Variants in KDM6A observed in about 807,000 individuals in gnomAD.
The protein encoded by KDM6A is lysine demethylase 6A.
Under a neutral mutation model 117.6 loss-of-function variants are expected in KDM6A, and 11 were observed. The observed-to-expected ratio is 0.09, with a 90% CI of 0.06 to 0.15. The LOEUF (loss-of-function observed/expected upper bound fraction) is 0.15, where lower values mean the gene tolerates loss of function less well. Ranked by LOEUF, KDM6A falls within the 10% of genes least tolerant of loss-of-function variation. The pLI, the probability that KDM6A is intolerant of heterozygous loss-of-function variation, is 1.00. For missense variants in KDM6A, 799 were observed against 1,077.3 expected (o/e 0.74, Z 3.62); for synonymous variants, 384 against 396.1 (o/e 0.97, Z 0.36).
chrX:44,964,264 C>T (rs986792267), intron 3 of KDM6A, among the ~76,000 whole-genome samples: 2 of 107,306 alleles, frequency 1.9e-5, no homozygotes, highest in African/African-American at 3.4e-5. Flanking sequence ...ACCTGGCTAA[C>T]CTGGTGAAAC....
At chrX:45,085,728 C>T in intron 24 of KDM6A, 137 bp from the exon 25 acceptor site, 1 of 469,517 alleles carries the variant, frequency 2.1e-6, no homozygotes, top group Non-Finnish European at 3.8e-6. Flanking sequence ...CTCTGTTGAG[C>T]ATTTGTAAGG....
intron 2 of KDM6A, among the ~76,000 whole-genome samples, chrX:44,949,181 A>G (rs1318093362): frequency 9.0e-6 from 1 of 111,472 alleles, no homozygotes; most frequent in Non-Finnish European, 1.9e-5. Flanking sequence ...ACTTGAGTTC[A>G]GGAGTTTGAG....
At position 44,984,255 on chromosome X, in the gene KDM6A, GTTGT is replaced by G. The variant is rs1370362056; in HGVS notation, c.384+9547_384+9550del. Among the ~76,000 whole-genome samples, 14 of 111,226 alleles carry G rather than the reference GTTGT, an allele frequency of 1.3e-4. No homozygotes were observed. The South Asian group carries it at 1.5e-3, about 12-fold the overall frequency. On this transcript the variant is annotated intron_variant, in intron 4 of 29. Transcript: ENST00000611820. ...TATCCTTCACCCACTTGTTGATGGGGTTGTTTGTTTTTCTCTTGTAAATTTGTTT... is the reference window on the plus strand; with the variant it reads ...TATCCTTCACCCACTTGTTGATGGGGTTGTTTTTCTCTTGTAAATTTGTTT...
chrX:44,908,942 CTTG>C (rs2034903804), intron 2 of KDM6A, among the ~76,000 whole-genome samples: 1 of 112,155 alleles, frequency 8.9e-6, no homozygotes, highest in Admixed American at 9.4e-5. Flanking sequence ...TTTAAGGAAA[CTTG>C]TTGAAGTGTA....
intron 8 of KDM6A, among the ~76,000 whole-genome samples, chrX:45,046,504 A>C (rs934927244): frequency 5.4e-5 from 6 of 111,888 alleles, no homozygotes; most frequent in Non-Finnish European, 1.1e-4. Context: ...CAGAATTAAT[A>C]AGCTTCAACA....
intron 5 of KDM6A, among the ~76,000 whole-genome samples, chrX:45,012,550 G>T (rs1222572834): frequency 9.0e-6 from 1 of 110,866 alleles, no homozygotes; most frequent in Non-Finnish European, 1.9e-5. Flanking sequence ...TCCCTTCTGT[G>T]CTCCAGAATT....
intron 4 of KDM6A, among the ~76,000 whole-genome samples, chrX:44,978,515 G>A (rs749759134): frequency 1.9e-4 from 21 of 112,070 alleles, no homozygotes; most frequent in African/African-American, 6.8e-4. Flanking sequence ...CCTGGCTGTC[G>A]TTGGTGGCTT....
In KDM6A at chrX:45,069,731, G is replaced by A. The variant is rs2148038359; in HGVS notation, c.2232G>A (p.Gln744=). 8.3e-7 allele frequency: 1 copy of A among 1,209,743 alleles called. No homozygotes were observed. Among genetic ancestry groups the A allele is most frequent in the Non-Finnish European group, 1.1e-6 (1 of 894,661 alleles). The change falls in exon 18 of 30, where the codon CAG becomes CAA. Residue 744 remains glutamine (Q), a synonymous_variant. Coordinates refer to ENST00000611820, the MANE Select transcript of KDM6A (RefSeq NM_001291415.2). ...CCCTGCCTAGCAATTCAGTAACACA[G>A]GGGGCTGCTCTCAATCACCTCTCCT... ...HPTLPSNSVT[Q]GAALNHLSSH...
chrX:45,112,745 T>C lies in KDM6A; in HGVS notation c.*1334T>C, dbSNP rs1460793121. On this transcript the variant is annotated 3_prime_UTR_variant, in exon 30 of 30. Coordinates refer to ENST00000611820, the MANE Select transcript of KDM6A (RefSeq NM_001291415.2). ...CAGGATGAAGGGCTCTATTTTAGAA[T>C]GCAAATAAATTAAGAGACTTATTTT... 1 of 119,229 alleles carries C rather than the reference T, an allele frequency of 8.4e-6. No individual in the cohort carries two copies. Among genetic ancestry groups the C allele is most frequent in the Non-Finnish European group, 1.7e-5 (1 of 57,563 alleles). The allele number at this position is 119,229 out of a possible 1,213,427, so 9.8% of individuals were successfully genotyped here.
chrX:45,087,439 T>G (rs1449756157), intron 25 of KDM6A, among the ~76,000 whole-genome samples: 15 of 112,887 alleles, frequency 1.3e-4, no homozygotes, highest in African/African-American at 4.8e-4. Flanking sequence ...CCTTATGTTG[T>G]CTTCTCTATT....
intron 29 of KDM6A, among the ~76,000 whole-genome samples, chrX:45,110,797 T>C (rs1282837607): frequency 1.8e-5 from 2 of 111,864 alleles, no homozygotes; most frequent in Admixed American, 9.5e-5. Flanking sequence ...CAGCAGATGC[T>C]TGGGGGAAGC....
chrX:44,978,684 A>G (rs1258473150), intron 4 of KDM6A, among the ~76,000 whole-genome samples: 2 of 112,264 alleles, frequency 1.8e-5, no homozygotes, highest in Non-Finnish European at 3.8e-5. Flanking sequence ...AAATAGTTGT[A>G]TAACCATTAC....
intron 3 of KDM6A, among the ~76,000 whole-genome samples, chrX:44,972,979 G>A (rs753716928): frequency 9.1e-6 from 1 of 109,544 alleles, no homozygotes; most frequent in Non-Finnish European, 1.9e-5. Flanking sequence ...AGATTGCAGT[G>A]AGCCAAGATC....
chrX:45,069,488 A>C, intron 17 of KDM6A, 91 bp from the exon 18 acceptor site: 1 of 883,865 alleles, frequency 1.1e-6, no homozygotes, highest in Non-Finnish European at 1.6e-6. Context: ...TTAGATATTT[A>C]TTTTTAGTGG....
At chrX:45,063,177 A>AT (rs1181828478) in intron 16 of KDM6A, among the ~76,000 whole-genome samples, 183 of 104,511 alleles carry the variant, frequency 1.8e-3, no homozygotes, top group Middle Eastern at 4.9e-3. Flanking sequence ...TACTAATGGG[A>AT]TTTTTTTTTT....
intron 2 of KDM6A, among the ~76,000 whole-genome samples, chrX:44,954,542 A>G (rs1162773716): frequency 8.9e-6 from 1 of 111,885 alleles, no homozygotes; most frequent in Non-Finnish European, 1.9e-5. Flanking sequence ...GTGATCTGCT[A>G]TAGTTACATA....
At chrX:45,079,726 A>T (rs1014040169) in intron 21 of KDM6A, among the ~76,000 whole-genome samples, 2 of 111,712 alleles carry the variant, frequency 1.8e-5, no homozygotes, top group Admixed American at 9.5e-5. Flanking sequence ...TTGCATTTTT[A>T]GTAGAAACTG....
chrX:45,048,895 T>TTTTTTTTTTTTTTTTTTTTG (rs2043705649), intron 8 of KDM6A, among the ~76,000 whole-genome samples: 1 of 110,167 alleles, frequency 9.1e-6, no homozygotes, highest in African/African-American at 3.4e-5. Flanking sequence ...GTTACTTTTT[T>TTTTTTTTTTTTTTTTTTTTG]ACACATCGTT....
At position 44,880,407 on chromosome X, in the gene KDM6A, GAGA is replaced by G. The variant is rs773249439; in HGVS notation, c.225+6423_225+6425del. Among the ~76,000 whole-genome samples, 17 of 108,424 alleles carry G rather than the reference GAGA, an allele frequency of 1.6e-4. No homozygotes were observed. The East Asian group carries it at 4.9e-3, about 31-fold the overall frequency. The allele number at this position is 108,424 out of a possible 115,157, so 94.2% of individuals were successfully genotyped here. A position where few individuals can be genotyped will look rare whatever the true frequency, so the allele number is the denominator to read the frequency against. On this transcript the variant is annotated intron_variant, in intron 2 of 29. Coordinates refer to ENST00000611820, the MANE Select transcript of KDM6A (RefSeq NM_001291415.2). ...TTGGAGTACAAGACACTTTTGGGGT[GAGA>G]AGGAGGGGAGATTTTAAACTGTTTT... is the stretch of plus-strand genomic sequence containing the variant.
Sources: allele counts gnomAD v4.1 joint callset (sites outside exome capture counted in the v4.1 genomes callset), GRCh38; gene constraint gnomAD v4.1.1; transcripts MANE v1.5; gene names NCBI Gene and HGNC (gene_info 2026-07-23, HGNC 2026-07-21).